CACNG5: variants seen among roughly 807,000 people sequenced by gnomAD.
CACNG5 encodes calcium voltage-gated channel auxiliary subunit gamma 5, also known as voltage-dependent calcium channel gamma-5 subunit.
Under a neutral mutation model 24.8 loss-of-function variants are expected in CACNG5, and 18 were observed. That is an observed-to-expected ratio of 0.73 (90% CI 0.50 to 1.08). The LOEUF (loss-of-function observed/expected upper bound fraction) is 1.08, where lower values mean the gene tolerates loss of function less well. CACNG5 is among the 50% of genes least tolerant of loss of function. The pLI, the probability that CACNG5 is intolerant of heterozygous loss-of-function variation, is 0.00. For synonymous variants in CACNG5, 157 were observed against 149.1 expected, an observed-to-expected ratio of 1.05 and a Z score of -0.39; for missense variants, 349 against 367.9, an observed-to-expected ratio of 0.95 and a Z score of 0.42.
chr17:66,849,933 A>G (rs1268048578), intron 1 of CACNG5, among the ~76,000 whole-genome samples: 3 of 152,188 alleles, frequency 2.0e-5, no homozygotes, highest in Non-Finnish European at 2.9e-5. Context: ...TACAGTTTAG[A>G]TCACTGTGAA....
intron 1 of CACNG5, among the ~76,000 whole-genome samples, chr17:66,864,137 T>G (rs1028259832): frequency 3.3e-5 from 5 of 152,228 alleles, no homozygotes; most frequent in Non-Finnish European, 7.3e-5. Flanking sequence ...AGAATCCTGT[T>G]GGCAATCTGT....
chr17:66,869,115 G>A (rs140091745), intron 1 of CACNG5, among the ~76,000 whole-genome samples: 103 of 151,894 alleles, frequency 6.8e-4, no homozygotes, highest in African/African-American at 1.8e-3. Flanking sequence ...ATGGAGTCTC[G>A]CTCTGTCATC....
Position 66,855,791 on chromosome 17 carries a change from C to A in CACNG5, c.-104+20541C>A, listed in dbSNP as rs111422222. On this transcript the variant is annotated intron_variant, in intron 1 of 5. Coordinates refer to ENST00000533854, the MANE Select transcript of CACNG5 (RefSeq NM_145811.3). ...GGATTACAGGCGTGAGCCACCGCACCCGGCCATGCATATGTATTTAAAAAA... is the reference window on the plus strand; with the variant it reads ...GGATTACAGGCGTGAGCCACCGCACACGGCCATGCATATGTATTTAAAAAA... Among the ~76,000 whole-genome samples the A allele has an allele frequency of 3.8e-3, 585 of 152,286 alleles. 3 individuals are homozygous for A. Among genetic ancestry groups the A allele is most frequent in the African/African-American group, 0.014 (564 of 41,556 alleles).
At chr17:66,882,527 A>G (rs1230569083) in intron 4 of CACNG5, among the ~76,000 whole-genome samples, 1 of 152,080 alleles carries the variant, frequency 6.6e-6, no homozygotes, top group Non-Finnish European at 1.5e-5. Flanking sequence ...AGAAGGGGAA[A>G]GAAAACAGCA....
chr17:66,843,369 C>T (rs965311637), intron 1 of CACNG5, among the ~76,000 whole-genome samples: 5 of 152,166 alleles, frequency 3.3e-5, no homozygotes, highest in Admixed American at 2.0e-4. Flanking sequence ...ACAGTTTGGA[C>T]GGAAGTTGCT....
At chr17:66,884,270 A>C (rs1042879056) in intron 4 of CACNG5, among the ~76,000 whole-genome samples, 1 of 152,196 alleles carries the variant, frequency 6.6e-6, no homozygotes, top group Non-Finnish European at 1.5e-5. Context: ...CACCGGGCTT[A>C]GCCCATGGCT....
intron 1 of CACNG5, among the ~76,000 whole-genome samples, chr17:66,838,960 C>CTT (rs71160595): frequency 0.21 from 18,419 of 87,986 alleles, 3,607 homozygotes; most frequent in East Asian, 0.61. Flanking sequence ...CTCACCCATT[C>CTT]TTTTTTTTTT....
At position 66,888,543 on chromosome 17, in the gene CACNG5, CAAAAAA is replaced by C. The variant is rs770809783; in HGVS notation, c.*3321_*3326del. On this transcript the variant is annotated 3_prime_UTR_variant, in exon 6 of 6. Transcript: ENST00000533854. The stretch of plus-strand genomic sequence containing the variant: ...TGGGTGACAGAGCGAGACTCCGTCT[CAAAAAA>C]AAAAAAAAAAAAAAAAAGAGTTAAA... 3.2e-5 allele frequency among the ~76,000 whole-genome samples: 2 copies of C among 62,638 alleles called. No individual in the cohort carries two copies. Among genetic ancestry groups the C allele is most frequent in the Non-Finnish European group, 6.2e-5 (2 of 32,128 alleles). The allele number at this position is 62,638 out of a possible 152,430, so 41.1% of individuals were successfully genotyped here. A position where few individuals can be genotyped will look rare whatever the true frequency, so the allele number is the denominator to read the frequency against.
At chr17:66,866,073 G>T (rs1319675494) in intron 1 of CACNG5, among the ~76,000 whole-genome samples, 9 of 152,062 alleles carry the variant, frequency 5.9e-5, no homozygotes, top group Admixed American at 5.9e-4. Flanking sequence ...CTGTAAGTAT[G>T]GTTATTTACT....
chr17:66,880,193 G>T (rs1598062416), intron 3 of CACNG5, among the ~76,000 whole-genome samples: 1 of 151,678 alleles, frequency 6.6e-6, no homozygotes, highest in East Asian at 1.9e-4. Context: ...CTGCCTGGAA[G>T]AGGAAGCAAG....
chr17:66,856,752 A>G (rs1464248834), intron 1 of CACNG5, among the ~76,000 whole-genome samples: 3 of 152,012 alleles, frequency 2.0e-5, no homozygotes, highest in African/African-American at 7.2e-5. Context: ...CATGTTGGCC[A>G]GGCTGGTCTC....
intron 1 of CACNG5, among the ~76,000 whole-genome samples, chr17:66,835,951 T>A (rs996589408): frequency 6.6e-6 from 1 of 152,266 alleles, no homozygotes; most frequent in African/African-American, 2.4e-5. Flanking sequence ...ATCTTTGCTC[T>A]CATCCTAATT....
intron 1 of CACNG5, among the ~76,000 whole-genome samples, chr17:66,843,388 A>G (rs1976592910): frequency 6.6e-6 from 1 of 152,226 alleles, no homozygotes; most frequent in Non-Finnish European, 1.5e-5. Flanking sequence ...CTCATGCTTC[A>G]GTGACCCTTG....
chr17:66,884,689 A>T, intron 5 of CACNG5, 28 bp downstream of exon 5: 2 of 1,614,184 alleles, frequency 1.2e-6, no homozygotes, highest in Non-Finnish European at 1.7e-6. Context: ...AAGTATGGAT[A>T]GGCTGGGCCT....
At chr17:66,861,213 G>A (rs1007682379) in intron 1 of CACNG5, among the ~76,000 whole-genome samples, 5 of 152,154 alleles carry the variant, frequency 3.3e-5, no homozygotes, top group Non-Finnish European at 7.4e-5. Context: ...TTGAAGTAAG[G>A]AAATGACATC....
chr17:66,862,980 T>C (rs1976885826), intron 1 of CACNG5, among the ~76,000 whole-genome samples: 2 of 151,476 alleles, frequency 1.3e-5, no homozygotes, highest in Non-Finnish European at 2.9e-5. Context: ...CAGGTGGATA[T>C]TGTATGTTTG....
rs959746717 is a variant in CACNG5 at position 66,886,742 on chromosome 17, C to T, written c.*1502C>T. Among the ~76,000 whole-genome samples the T allele has an allele frequency of 2.8e-4, 42 of 152,298 alleles. No individual in the cohort carries two copies. The highest frequency in any genetic ancestry group is 3.4e-3 in the Middle Eastern group (1 of 294). On this transcript the variant is annotated 3_prime_UTR_variant, in exon 6 of 6. Coordinates refer to ENST00000533854, the MANE Select transcript of CACNG5 (RefSeq NM_145811.3). ...TTGGAGAGGCGGTGTGTCAGGCAGC[C>T]GGGCTGCCGCAATGAACTACCACAG...
chr17:66,877,148 G>A (rs1206709444), intron 1 of CACNG5, 82 bp from the exon 2 acceptor site: 6 of 577,414 alleles, frequency 1.0e-5, no homozygotes, highest in Non-Finnish European at 3.1e-6. Context: ...TGTCCAGGGG[G>A]TTGCCTGGTG....
chr17:66,836,790 C>G (rs543735315), intron 1 of CACNG5, among the ~76,000 whole-genome samples: 124 of 152,346 alleles, frequency 8.1e-4, no homozygotes, highest in African/African-American at 2.9e-3. Context: ...GGTGGCCCTG[C>G]TGTGGCTGGG....
Sources: gnomAD v4.1 joint callset for allele counts (sites outside exome capture counted in the v4.1 genomes callset) on GRCh38, gnomAD v4.1.1 for gene constraint, MANE v1.5 for transcripts, NCBI Gene and HGNC (gene_info 2026-07-23, HGNC 2026-07-21) for gene names.